Variants in SNX6 observed in about 807,000 individuals in gnomAD.
SNX6 encodes the protein sorting nexin 6, also known as sorting nexin-6.
SNX6 carries 34 observed loss-of-function variants against 63.0 expected under a neutral mutation model. The observed-to-expected ratio is 0.54, with a 90% CI of 0.41 to 0.72. The LOEUF (loss-of-function observed/expected upper bound fraction) is 0.72. SNX6 is among the 30% of genes least tolerant of loss of function. The probability of loss-of-function intolerance (pLI) is 0.00; values close to 1 mark genes in which losing one functional copy is unlikely to be tolerated. For synonymous variants in SNX6, 170 were observed against 164.2 expected, an observed-to-expected ratio of 1.04 and a Z score of -0.27; for missense variants, 398 against 471.4, an observed-to-expected ratio of 0.84 and a Z score of 1.44.
In SNX6 at chr14:34,575,807, G is replaced by A; in HGVS notation, c.870C>T (p.Leu290=). 6.3e-7 allele frequency: 1 copy of A among 1,595,892 alleles called. No homozygotes were observed. The highest frequency in any genetic ancestry group is 1.1e-5 in the South Asian group (1 of 87,040). The change falls in exon 11 of 14, where the codon CTC becomes CTT. Residue 290 remains leucine (L), a synonymous_variant. Coordinates refer to ENST00000362031, the MANE Select transcript of SNX6 (RefSeq NM_152233.4). ...IEARVSADED[L]KLSDLLKYYL... ...AATATTTTAAAAGATCAGAAAGTTT[G>A]AGGTCTTCATCAGCAGACACTCGTG...
intron 10 of SNX6, 61 bp from the exon 11 acceptor site, chr14:34,575,903 C>T: frequency 2.0e-6 from 2 of 998,904 alleles, no homozygotes. Context: ...TCAGTGGTTT[C>T]CTTCTTTTTG....
chr14:34,609,713 A>G lies in SNX6; in HGVS notation c.84T>C (p.Ser28=), dbSNP rs776968563. Residue 28 remains serine (S), a synonymous_variant, in exon 3 of 14, where the codon AGT becomes AGC. Coordinates refer to ENST00000362031, the MANE Select transcript of SNX6 (RefSeq NM_152233.4). ...GLKAINVDLQ[S]DAALQVDISD... ...AAATGTCCACCTGCAGAGCAGCATCACTTTGAAGATCTACATTTATTGCTT... is the reference window on the plus strand; with the variant it reads ...AAATGTCCACCTGCAGAGCAGCATCGCTTTGAAGATCTACATTTATTGCTT... 5.0e-6 allele frequency: 8 copies of G among 1,612,606 alleles called. No individual in the cohort carries two copies. The highest frequency in any genetic ancestry group is 3.3e-4 in the Middle Eastern group (2 of 6,048).
At chr14:34,629,207 G>A (rs1883943133) in intron 2 of SNX6, among the ~76,000 whole-genome samples, 1 of 151,964 alleles carries the variant, frequency 6.6e-6, no homozygotes, top group African/African-American at 2.4e-5. Context: ...ATTTCACAAT[G>A]TATTCGTGTA....
At chr14:34,572,069 G>A (rs150930368) in intron 11 of SNX6, among the ~76,000 whole-genome samples, 1 of 140,266 alleles carries the variant, frequency 7.1e-6, no homozygotes, top group East Asian at 2.1e-4. Flanking sequence ...AAGAAACTAT[G>A]AAGTTTTCCA....
At chr14:34,588,560 A>G (rs1882266421) in intron 8 of SNX6, among the ~76,000 whole-genome samples, 1 of 152,172 alleles carries the variant, frequency 6.6e-6, no homozygotes, top group South Asian at 2.1e-4. Flanking sequence ...CTAATAAAAC[A>G]TAAAACTTAT....
chr14:34,616,214 A>C (rs1594747174), intron 2 of SNX6, among the ~76,000 whole-genome samples: 1 of 111,644 alleles, frequency 9.0e-6, no homozygotes, highest in Middle Eastern at 4.2e-3. Flanking sequence ...TCAGCCTCCC[A>C]AAGTGCTGGG....
chr14:34,626,393 G>A (rs550027214), intron 2 of SNX6, among the ~76,000 whole-genome samples: 15 of 151,316 alleles, frequency 9.9e-5, no homozygotes, highest in Admixed American at 7.3e-4. Context: ...GGTGGCTCAC[G>A]CCTGTAATTC....
intron 13 of SNX6, among the ~76,000 whole-genome samples, chr14:34,564,481 A>G (rs1881079272): frequency 6.6e-6 from 1 of 152,264 alleles, no homozygotes; most frequent in South Asian, 2.1e-4. Flanking sequence ...TGTTAATAGA[A>G]CAGTTATCAG....
At chr14:34,628,426 T>C (rs1429850122) in intron 2 of SNX6, among the ~76,000 whole-genome samples, 1 of 152,084 alleles carries the variant, frequency 6.6e-6, no homozygotes, top group African/African-American at 2.4e-5. Context: ...GCTACTGCAC[T>C]CCAGTCTGGG....
Position 34,568,208 on chromosome 14 carries a change from G to A in SNX6, c.922-195C>T, listed in dbSNP as rs1221632158. On this transcript the variant is annotated intron_variant, in intron 11 of 13. Transcript: ENST00000362031. ...GGCCCAGGCTGGAATGCAATGGCGT[G>A]ATCTTGGCTCACCGCAACCTCTGAA... Among the ~76,000 whole-genome samples, 5 of 148,512 alleles carry A rather than the reference G, an allele frequency of 3.4e-5. No individual in the cohort carries two copies. In the East Asian group the frequency reaches 9.9e-4, roughly 29 times the overall value.
chr14:34,563,384 C>T (rs531286545), intron 13 of SNX6, among the ~76,000 whole-genome samples: 2 of 151,938 alleles, frequency 1.3e-5, no homozygotes, highest in South Asian at 2.1e-4. Flanking sequence ...CAGTGAAACC[C>T]CATCTCTACT....
At chr14:34,564,275 G>A (rs553448829) in intron 13 of SNX6, among the ~76,000 whole-genome samples, 1 of 152,042 alleles carries the variant, frequency 6.6e-6, no homozygotes, top group African/African-American at 2.4e-5. Flanking sequence ...TGATCTGCCC[G>A]CCTTGGCCTC....
At position 34,626,668 on chromosome 14, in the gene SNX6, C is replaced by CAAAA. The variant is rs56118978; in HGVS notation, c.54+3235_54+3238dup. On this transcript the variant is annotated intron_variant, in intron 2 of 13. Coordinates refer to ENST00000362031, the MANE Select transcript of SNX6 (RefSeq NM_152233.4). ...TGGGCAACAGAGCGAGACTCCATTT[C>CAAAA]AAAAAAAAAAAAAGAGAAAGTTTCT... Among the ~76,000 whole-genome samples, 26 of 126,554 alleles carry CAAAA rather than the reference C, an allele frequency of 2.1e-4. 3 individuals carry two copies. Among genetic ancestry groups the CAAAA allele is most frequent in the Admixed American group, 4.4e-4 (5 of 11,236 alleles). 83.0% of individuals were successfully genotyped at this position (126,554 alleles called of 152,430 possible).
At chr14:34,604,847 G>T (rs551476514) in intron 5 of SNX6, among the ~76,000 whole-genome samples, 1 of 87,084 alleles carries the variant, frequency 1.1e-5, no homozygotes, top group Non-Finnish European at 2.4e-5. Context: ...TAAGTATAAT[G>T]CAAATACTCC....
At position 34,603,461 on chromosome 14, in the gene SNX6, C is replaced by T. The variant is rs750938786; in HGVS notation, c.403G>A (p.Ala135Thr). 6.3e-7 allele frequency: 1 copy of T among 1,590,712 alleles called. No individual in the cohort carries two copies. Among genetic ancestry groups the T allele is most frequent in the Non-Finnish European group, 8.5e-7 (1 of 1,169,754 alleles). The change falls in exon 6 of 14, where the codon GCA (alanine) becomes ACA (threonine). Residue 135 changes from alanine (A) to threonine (T), a missense_variant. Transcript: ENST00000362031. Reference protein sequence around the residue: ...MKQELEAEYLAIFKKTVAMHE... With the variant: ...MKQELEAEYLTIFKKTVAMHE... ...ATCGCAACTGTCTTCTTGAATATTG[C>T]CAAATATTCACTAGAAACAATATAC...
chr14:34,572,514 C>T (rs1881490780), intron 11 of SNX6, among the ~76,000 whole-genome samples: 1 of 151,980 alleles, frequency 6.6e-6, no homozygotes, highest in South Asian at 2.1e-4. Context: ...TTATAAGTAC[C>T]TAAGAATTCA....
chr14:34,605,058 G>C (rs572611781), intron 5 of SNX6, among the ~76,000 whole-genome samples: 8 of 151,602 alleles, frequency 5.3e-5, no homozygotes, highest in African/African-American at 9.8e-5. Context: ...TACTAGAAAT[G>C]TATTAGTTTC....
chr14:34,567,932 TATTTTTTGCTCTTGCTTTATCCA>T lies in SNX6; in HGVS notation c.980_1002del (p.Leu327GlnfsTer18). ...GAAGTTTCGGCCTGTAGAACATCTTTATTTTTTGCTCTTGCTTTATCCAGTGCTTTATTAGCATTTTCATAATC... is the reference window on the plus strand; with the variant it reads ...GAAGTTTCGGCCTGTAGAACATCTTTGTGCTTTATTAGCATTTTCATAATC... On this transcript the variant is annotated frameshift_variant, in exon 12 of 14. Coordinates refer to ENST00000362031, the MANE Select transcript of SNX6 (RefSeq NM_152233.4). LOFTEE classifies it high-confidence loss of function. The T allele has an allele frequency of 6.2e-7, 1 of 1,613,452 alleles. No individual in the cohort carries two copies. Among genetic ancestry groups the T allele is most frequent in the Non-Finnish European group, 8.5e-7 (1 of 1,180,030 alleles).
chr14:34,596,002 G>A (rs889316108), intron 7 of SNX6, among the ~76,000 whole-genome samples: 5 of 151,926 alleles, frequency 3.3e-5, no homozygotes, highest in South Asian at 2.1e-4. Context: ...GGCGGATCAC[G>A]AGGTCAGGAG....
Sources: allele counts gnomAD v4.1 joint callset (sites outside exome capture counted in the v4.1 genomes callset), GRCh38; gene constraint gnomAD v4.1.1; transcripts MANE v1.5; gene names NCBI Gene and HGNC (gene_info 2026-07-23, HGNC 2026-07-21).